Variants in COL6A3 observed in about 807,000 individuals in gnomAD.
COL6A3 encodes collagen type VI alpha 3 chain.
In COL6A3, 137 loss-of-function variants were observed where a neutral mutation model predicts 274.1. The ratio of observed to expected loss-of-function variants is 0.50; its 90% CI spans 0.44 to 0.58. The LOEUF (loss-of-function observed/expected upper bound fraction) is 0.58. Among genes scored for constraint, COL6A3 ranks in the 20% least tolerant of loss-of-function variants. COL6A3 has a pLI of 0.00. For synonymous variants in COL6A3, 1,650 were observed against 1,650.6 expected (o/e 1.00, Z 0.01); for missense variants, 3,950 against 4,124.9 (o/e 0.96, Z 1.16).
chr2:237,383,592 A>G (rs542879437), intron 4 of COL6A3, among the ~76,000 whole-genome samples: 2 of 152,254 alleles, frequency 1.3e-5, no homozygotes, highest in South Asian at 4.2e-4. Context: ...ATGCTATACC[A>G]TGAATCTACC....
chr2:237,383,171 G>A (rs145248069), intron 4 of COL6A3, among the ~76,000 whole-genome samples: 380 of 152,314 alleles, frequency 2.5e-3, no homozygotes, highest in African/African-American at 8.2e-3. Context: ...TGCCTGGGGT[G>A]AGAATCGCTG....
intron 4 of COL6A3, among the ~76,000 whole-genome samples, chr2:237,385,229 A>C (rs1312598840): frequency 6.6e-6 from 1 of 152,164 alleles, no homozygotes; most frequent in Non-Finnish European, 1.5e-5. Flanking sequence ...GAGCAGCCAC[A>C]TCTGTCTCAT....
chr2:237,398,260 G>A (rs962025810), intron 1 of COL6A3, among the ~76,000 whole-genome samples: 2 of 152,212 alleles, frequency 1.3e-5, no homozygotes, highest in African/African-American at 4.8e-5. Flanking sequence ...CAGACCTGGA[G>A]GCTAACTGCC....
intron 42 of COL6A3, among the ~76,000 whole-genome samples, chr2:237,331,342 C>G (rs1700214271): frequency 6.6e-6 from 1 of 152,004 alleles, no homozygotes; most frequent in African/African-American, 2.4e-5. Flanking sequence ...AATTTTCCCC[C>G]CACCCCAGGG....
intron 4 of COL6A3, among the ~76,000 whole-genome samples, chr2:237,383,156 C>T (rs796956913): frequency 1.3e-4 from 20 of 152,272 alleles, no homozygotes; most frequent in African/African-American, 4.6e-4. Flanking sequence ...AAGCTGGGAG[C>T]GTGATGCCTG....
chr2:237,341,058 T>C lies in COL6A3; in HGVS notation c.7858A>G (p.Met2620Val), dbSNP rs750826266. 1.9e-6 allele frequency: 3 copies of C among 1,614,146 alleles called. No homozygotes were observed. Among genetic ancestry groups the C allele is most frequent in the South Asian group, 2.2e-5 (2 of 91,076 alleles). Residue 2620 changes from methionine to valine, a missense_variant, in exon 38 of 44, where the codon ATG (methionine) becomes GTG (valine). By Grantham distance (21) the Met-to-Val change is conservative (BLOSUM62 1). This residue lies in a region of COL6A3 where 1,284 missense variants were observed against 1,349.7 expected (regional missense o/e 0.95). Transcript: ENST00000295550. ...RAAGSDVDID[M>V]AFILDSAETT... The stretch of plus-strand genomic sequence containing the variant: ...TCAGCGCTGTCTAAGATGAAAGCCA[T>C]GTCGATGTCCACATCGCTCCCTGCC...
At chr2:237,373,360 CTTAG>C (rs1041700736) in intron 8 of COL6A3, among the ~76,000 whole-genome samples, 5 of 152,132 alleles carry the variant, frequency 3.3e-5, no homozygotes, top group South Asian at 2.1e-4. Context: ...CACAAAGCGC[CTTAG>C]TTAGGAAGAA....
At chr2:237,359,281 T>C (rs1366096548) in intron 18 of COL6A3, 31 bp from the exon 19 acceptor site, 3 of 1,614,032 alleles carry the variant, frequency 1.9e-6, no homozygotes, top group African/African-American at 1.3e-5. Flanking sequence ...CAGGTAAGTA[T>C]AGAAAGCTAT....
intron 1 of COL6A3, among the ~76,000 whole-genome samples, chr2:237,399,246 C>G (rs1416579320): frequency 1.3e-5 from 2 of 152,194 alleles, no homozygotes; most frequent in African/African-American, 2.4e-5. Context: ...TGGGGAAAGA[C>G]AAGGTGCTTG....
At chr2:237,401,650 T>C (rs2078592446) in intron 1 of COL6A3, among the ~76,000 whole-genome samples, 1 of 152,036 alleles carries the variant, frequency 6.6e-6, no homozygotes, top group South Asian at 2.1e-4. Context: ...CCTACAGTTC[T>C]CCTAGGACTT....
In COL6A3 at chr2:237,375,023, G is replaced by A. The variant is rs1394978325; in HGVS notation, c.3071-3C>T. 1 of 1,613,384 alleles carries A rather than the reference G, an allele frequency of 6.2e-7. No individual in the cohort carries two copies. Among genetic ancestry groups the A allele is most frequent in the East Asian group, 2.2e-5 (1 of 44,860 alleles). On this transcript the variant is annotated splice_region_variant and splice_polypyrimidine_tract_variant and intron_variant, in intron 7 of 43. Coordinates refer to ENST00000295550, the MANE Select transcript of COL6A3 (RefSeq NM_004369.4). Reference sequence around the variant, plus strand: ...CACCACGTCCTTTTCACCTGAAACTGGGAGGAGGACAGCCTGGTAACTCAC... The same window carrying A: ...CACCACGTCCTTTTCACCTGAAACTAGGAGGAGGACAGCCTGGTAACTCAC...
rs114874223 is a variant in COL6A3, at chr2:237,353,164, A to C, written c.6690+177T>G. Among the ~76,000 whole-genome samples the C allele has an allele frequency of 3.3e-3, 499 of 152,336 alleles. 1 individual carries two copies. Among genetic ancestry groups the C allele is most frequent in the African/African-American group, 0.011 (470 of 41,574 alleles). On this transcript the variant is annotated intron_variant, in intron 25 of 43. Coordinates refer to ENST00000295550, the MANE Select transcript of COL6A3 (RefSeq NM_004369.4). ...TGCTAATGGGTACAGGTCTCCTTCG[A>C]GACTGTGTTTTGAACCTAGATAGAG...
At chr2:237,399,910 G>C (rs1012219238) in intron 1 of COL6A3, among the ~76,000 whole-genome samples, 2 of 152,190 alleles carry the variant, frequency 1.3e-5, no homozygotes, top group African/African-American at 4.8e-5. Context: ...AATTAGAATG[G>C]GTAGACGACT....
At chr2:237,363,462 T>A in intron 13 of COL6A3, 64 bp from the exon 14 acceptor site, 3 of 1,584,486 alleles carry the variant, frequency 1.9e-6, no homozygotes, top group Non-Finnish European at 2.6e-6. Flanking sequence ...TGTCCTTTTT[T>A]CCTGACTACA....
chr2:237,392,962 GCA>G (rs993397154), intron 3 of COL6A3, among the ~76,000 whole-genome samples: 14 of 152,088 alleles, frequency 9.2e-5, no homozygotes, highest in South Asian at 6.2e-4. Flanking sequence ...TCTCCAACTT[GCA>G]CACTCAGCTG....
chr2:237,373,881 C>G (rs1425754950), intron 8 of COL6A3, among the ~76,000 whole-genome samples: 3 of 152,160 alleles, frequency 2.0e-5, no homozygotes, highest in Non-Finnish European at 4.4e-5. Flanking sequence ...GTCATAAGAG[C>G]CAGGTGGCCT....
intron 4 of COL6A3, among the ~76,000 whole-genome samples, chr2:237,381,953 C>T (rs1434042583): frequency 6.6e-6 from 1 of 152,192 alleles, no homozygotes; most frequent in Non-Finnish European, 1.5e-5. Context: ...GCTGAAAGAG[C>T]CTGCACATCC....
At chr2:237,357,068 T>C (rs1468599385) in intron 23 of COL6A3, 3 of 561,882 alleles carry the variant, frequency 5.3e-6, no homozygotes, top group Non-Finnish European at 9.5e-6. Context: ...GGATCAAACC[T>C]GGCCCGATAT....
intron 39 of COL6A3, among the ~76,000 whole-genome samples, chr2:237,338,720 A>T (rs1191720189): frequency 6.6e-6 from 1 of 152,236 alleles, no homozygotes; most frequent in African/African-American, 2.4e-5. Flanking sequence ...GTGAGCCAAG[A>T]TTGCACAACT....
Sources: gnomAD v4.1 joint callset for allele counts (sites outside exome capture counted in the v4.1 genomes callset) on GRCh38, gnomAD v4.1.1 for gene constraint, gnomAD v4.1.1 regional missense constraint, MANE v1.5 for transcripts, NCBI Gene and HGNC (gene_info 2026-07-23, HGNC 2026-07-21) for gene names.